ENOX2: variants seen among roughly 807,000 people sequenced by gnomAD.
The protein encoded by ENOX2 is ecto-NOX disulfide-thiol exchanger 2.
A neutral mutation model predicts 45.0 loss-of-function variants in ENOX2; 36 were observed. That is an observed-to-expected ratio of 0.80 (90% confidence interval 0.61 to 1.06). ENOX2 has a LOEUF of 1.06. Among genes scored for constraint, ENOX2 ranks in the 50% least tolerant of loss-of-function variants. The pLI is 0.00. For synonymous variants in ENOX2, 174 were observed against 152.3 expected, an observed-to-expected ratio of 1.14 and a Z score of -1.05; for missense variants, 423 against 462.5, an observed-to-expected ratio of 0.91 and a Z score of 0.78.
chrX:130,749,374 G>A (rs1396428806), intron 3 of ENOX2, among the ~76,000 whole-genome samples: 1 of 111,624 alleles, frequency 9.0e-6, no homozygotes, highest in South Asian at 3.8e-4. Flanking sequence ...GGAGAAAAGC[G>A]GTCAGTTTGC....
intron 2 of ENOX2, among the ~76,000 whole-genome samples, chrX:130,792,300 G>T (rs1265514924): frequency 1.8e-5 from 2 of 111,656 alleles, no homozygotes; most frequent in Admixed American, 1.9e-4. Context: ...TAACTAAAGG[G>T]TACTATGCTT....
intron 2 of ENOX2, among the ~76,000 whole-genome samples, chrX:130,872,316 T>A (rs2078610472): frequency 8.9e-6 from 1 of 112,593 alleles, no homozygotes. Context: ...TCATTTTTAT[T>A]TATCTCAGTG....
chrX:130,886,692 T>C (rs1394044625), intron 2 of ENOX2, among the ~76,000 whole-genome samples: 3 of 111,718 alleles, frequency 2.7e-5, no homozygotes, highest in African/African-American at 9.8e-5. Flanking sequence ...TAATATATAA[T>C]GTTCATCAAC....
At chrX:130,787,162 G>A (rs974148070) in intron 2 of ENOX2, among the ~76,000 whole-genome samples, 2 of 110,468 alleles carry the variant, frequency 1.8e-5, no homozygotes, top group African/African-American at 6.6e-5. Context: ...CAGTGATGAT[G>A]AGCATTTTTT....
In ENOX2 at chrX:130,679,524, T is replaced by C. The variant is rs1222790355; in HGVS notation, c.460+18A>G. ...GCGTTGTGCCTGGTGGGCACAATCC[T>C]CACATCTAAACACCTACCAGACAGA... On this transcript the variant is annotated intron_variant, in intron 6 of 14. Coordinates refer to ENST00000394363, the MANE Select transcript of ENOX2 (RefSeq NM_006375.4). 1 of 1,169,164 alleles carries C rather than the reference T, an allele frequency of 8.6e-7. No homozygotes were observed. Among genetic ancestry groups the C allele is most frequent in the Non-Finnish European group, 1.2e-6 (1 of 856,800 alleles).
chrX:130,760,629 T>C (rs1438775677), intron 3 of ENOX2, among the ~76,000 whole-genome samples: 1 of 106,339 alleles, frequency 9.4e-6, no homozygotes, highest in Non-Finnish European at 1.9e-5. Flanking sequence ...CTACTAAAAA[T>C]ACAAAAATTA....
rs749308100 is a variant in ENOX2, at chrX:130,680,688, C to T, written c.254-940G>A. Among the ~76,000 whole-genome samples, 8 of 112,583 alleles carry T rather than the reference C, an allele frequency of 7.1e-5. No individual in the cohort carries two copies. In the East Asian group the frequency reaches 1.1e-3, roughly 16 times the overall value. On this transcript the variant is annotated intron_variant, in intron 5 of 14. Coordinates refer to ENST00000394363, the MANE Select transcript of ENOX2 (RefSeq NM_006375.4). ...GGTTTTCTAGTGTTGGTTTTGTATC[C>T]GCAAGGATTTATTTTGTGTAATCCA...
chrX:130,823,312 G>A (rs2077652989), intron 2 of ENOX2, among the ~76,000 whole-genome samples: 1 of 111,891 alleles, frequency 8.9e-6, no homozygotes. Flanking sequence ...GTTGGTGAGT[G>A]GCAGCAGACC....
chrX:130,731,405 C>T (rs2038735733), intron 3 of ENOX2, among the ~76,000 whole-genome samples: 2 of 111,548 alleles, frequency 1.8e-5, no homozygotes, highest in Non-Finnish European at 3.8e-5. Flanking sequence ...CCAGGGGTAA[C>T]AAAAGATGGG....
intron 2 of ENOX2, among the ~76,000 whole-genome samples, chrX:130,846,406 C>T (rs993911032): frequency 3.7e-5 from 4 of 108,417 alleles, no homozygotes; most frequent in Non-Finnish European, 5.7e-5. Flanking sequence ...GGCATGATCT[C>T]GGCTCACCGC....
At chrX:130,779,431 C>T (rs1380921396) in intron 3 of ENOX2, among the ~76,000 whole-genome samples, 3 of 111,695 alleles carry the variant, frequency 2.7e-5, no homozygotes, top group African/African-American at 9.8e-5. Context: ...TAAACTCTAC[C>T]TATCAGTTTC....
chrX:130,763,484 G>C (rs1218117475), intron 3 of ENOX2, among the ~76,000 whole-genome samples: 1 of 111,020 alleles, frequency 9.0e-6, no homozygotes, highest in Non-Finnish European at 1.9e-5. Context: ...TTAACTGTCA[G>C]AGACAAACAG....
intron 2 of ENOX2, among the ~76,000 whole-genome samples, chrX:130,832,440 T>TACACACACACACAC (rs61623401): frequency 1.1e-5 from 1 of 91,066 alleles, no homozygotes; most frequent in African/African-American, 3.9e-5. Flanking sequence ...CACACACACA[T>TACACACACACACAC]ACACACACAC....
In ENOX2 at chrX:130,624,160, C is replaced by T. The variant is rs1002357748; in HGVS notation, c.*1154G>A. 1 of 110,887 alleles carries T rather than the reference C, an allele frequency of 9.0e-6. No homozygotes were observed. Among genetic ancestry groups the T allele is most frequent in the Non-Finnish European group, 1.9e-5 (1 of 53,097 alleles). The allele number at this position is 110,887 out of a possible 1,213,427, so 9.1% of individuals were successfully genotyped here. A position where few individuals can be genotyped will look rare whatever the true frequency, so the allele number is the denominator to read the frequency against. On this transcript the variant is annotated 3_prime_UTR_variant, in exon 15 of 15. Coordinates refer to ENST00000394363, the MANE Select transcript of ENOX2 (RefSeq NM_006375.4). ...TCCTCTCTGTTTACTTTCCACCAAG[C>T]AGAAGTTTCTGAATGGTCCACTCAC...
intron 2 of ENOX2, among the ~76,000 whole-genome samples, chrX:130,846,091 G>A (rs1308383713): frequency 9.0e-6 from 1 of 111,143 alleles, no homozygotes; most frequent in East Asian, 2.8e-4. Flanking sequence ...GCAGAGATCA[G>A]GGGTCAGGAA....
chrX:130,651,962 C>T (rs1438715779), intron 10 of ENOX2, among the ~76,000 whole-genome samples: 1 of 111,449 alleles, frequency 9.0e-6, no homozygotes, highest in East Asian at 2.8e-4. Flanking sequence ...CCATTGCCTC[C>T]TTCCTTTTTA....
At chrX:130,884,086 C>T (rs1371652301) in intron 2 of ENOX2, among the ~76,000 whole-genome samples, 3 of 111,680 alleles carry the variant, frequency 2.7e-5, no homozygotes, top group Non-Finnish European at 5.6e-5. Context: ...GCCTAGTTTG[C>T]CCAGTTCTCC....
intron 2 of ENOX2, among the ~76,000 whole-genome samples, chrX:130,893,713 T>C (rs2079016657): frequency 8.9e-6 from 1 of 112,421 alleles, no homozygotes; most frequent in African/African-American, 3.2e-5. Flanking sequence ...GCATTTGTTT[T>C]ATATTCATGT....
At chrX:130,889,729 C>A (rs1382601846) in intron 2 of ENOX2, among the ~76,000 whole-genome samples, 1 of 112,433 alleles carries the variant, frequency 8.9e-6, no homozygotes, top group African/African-American at 3.2e-5. Flanking sequence ...TTGGGAGTGG[C>A]CCCCTAACCA....
Sources: gnomAD v4.1 joint callset for allele counts (sites outside exome capture counted in the v4.1 genomes callset) on GRCh38, gnomAD v4.1.1 for gene constraint, MANE v1.5 for transcripts, NCBI Gene and HGNC (gene_info 2026-07-23, HGNC 2026-07-21) for gene names.